AIPL1: variants seen among roughly 807,000 people sequenced by gnomAD.
AIPL1 encodes the protein aryl-hydrocarbon-interacting protein-like 1.
A neutral mutation model predicts 32.9 loss-of-function variants in AIPL1; 23 were observed. The observed-to-expected ratio is 0.70, with a 90% CI of 0.50 to 0.99. The LOEUF is 0.99. Ranked by LOEUF, AIPL1 falls within the 50% of genes least tolerant of loss-of-function variation. AIPL1 has a pLI of 0.00. For missense variants in AIPL1, 485 were observed against 506.0 expected, an observed-to-expected ratio of 0.96 and a Z score of 0.40; for synonymous variants, 210 against 209.4, an observed-to-expected ratio of 1.00 and a Z score of -0.02.
chr17:6,425,699 T>A lies in AIPL1; in HGVS notation c.916A>T (p.Arg306Trp), dbSNP rs201801331. 2 of 1,608,640 alleles carry A rather than the reference T, an allele frequency of 1.2e-6. No homozygotes were observed. The highest frequency in any genetic ancestry group is 1.3e-5 in the African/African-American group (1 of 74,906). Residue 306 changes from arginine to tryptophan, a missense_variant, in exon 6 of 6, where the codon AGG becomes TGG. Transcript: ENST00000381129. ...SMQKAVRRELRLLENRMAEKQ... is the reference protein window; with the variant it reads ...SMQKAVRRELWLLENRMAEKQ... ...TCCGCCATGCGGTTCTCCAGCAGCCTCAGCTCCCTGCGCACCGCCTTCTGC... is the reference window on the plus strand; with the variant it reads ...TCCGCCATGCGGTTCTCCAGCAGCCACAGCTCCCTGCGCACCGCCTTCTGC...
chr17:6,430,114 A>G (rs1309280904), intron 2 of AIPL1, among the ~76,000 whole-genome samples: 1 of 150,890 alleles, frequency 6.6e-6, no homozygotes, highest in Non-Finnish European at 1.5e-5. Context: ...CAATCACGGC[A>G]GCCATGGGCT....
chr17:6,431,457 G>GA (rs577040505), intron 2 of AIPL1, among the ~76,000 whole-genome samples: 1,552 of 142,390 alleles, frequency 0.011, 21 homozygotes, highest in African/African-American at 0.034. Flanking sequence ...CTCCATCTCA[G>GA]AAAAAAAAAA....
intron 2 of AIPL1, among the ~76,000 whole-genome samples, chr17:6,432,352 C>T (rs543430889): frequency 6.6e-6 from 1 of 150,604 alleles, no homozygotes; most frequent in Non-Finnish European, 1.5e-5. Context: ...TCCAGCCTGG[C>T]TACAGAGCAA....
chr17:6,426,030 A>T, intron 5 of AIPL1, 200 bp from the exon 6 acceptor site: 1 of 1,043,612 alleles, frequency 9.6e-7, no homozygotes, highest in Non-Finnish European at 1.3e-6. Flanking sequence ...TCTCCTTTTT[A>T]AGGCCCTGTG....
chr17:6,429,029 C>G (rs932896114), intron 2 of AIPL1, among the ~76,000 whole-genome samples: 4 of 152,214 alleles, frequency 2.6e-5, no homozygotes, highest in African/African-American at 9.6e-5. Context: ...GAGCCCAGGT[C>G]TCTGCACTTC....
chr17:6,430,704 C>T (rs898016917), intron 2 of AIPL1, among the ~76,000 whole-genome samples: 7 of 152,142 alleles, frequency 4.6e-5, no homozygotes, highest in African/African-American at 1.4e-4. Flanking sequence ...GGAGAGGGGG[C>T]TCTTAGTGGC....
intron 2 of AIPL1, among the ~76,000 whole-genome samples, chr17:6,429,313 C>A (rs1183929493): frequency 6.6e-6 from 1 of 152,210 alleles, no homozygotes; most frequent in East Asian, 1.9e-4. Flanking sequence ...ACTGGCCCCA[C>A]ATGCAACATG....
In AIPL1 at chr17:6,426,426, C is replaced by T. The variant is rs192307789; in HGVS notation, c.784+189G>A. On this transcript the variant is annotated intron_variant, in intron 5 of 5. Transcript: ENST00000381129. ...TCAAACACACATTAAAATAAAGGGC[C>T]GCCCCGCGCCAAGCACTGCCCATCC... The T allele has an allele frequency of 1.4e-4, 203 of 1,445,250 alleles. 1 individual carries two copies. The highest frequency in any genetic ancestry group is 4.5e-4 in the East Asian group (18 of 39,966). 89.5% of individuals were successfully genotyped at this position (1,445,250 alleles called of 1,614,324 possible).
chr17:6,432,312 T>C (rs541365215), intron 2 of AIPL1, among the ~76,000 whole-genome samples: 1 of 151,842 alleles, frequency 6.6e-6, no homozygotes, highest in African/African-American at 2.4e-5. Flanking sequence ...GAGGCCAAGG[T>C]TGCAGTGAGC....
At chr17:6,432,343 C>G (rs998195303) in intron 2 of AIPL1, among the ~76,000 whole-genome samples, 1 of 151,624 alleles carries the variant, frequency 6.6e-6, no homozygotes, top group African/African-American at 2.4e-5. Flanking sequence ...CTACTGCACT[C>G]CAGCCTGGCT....
At chr17:6,431,272 A>C (rs11867931) in intron 2 of AIPL1, among the ~76,000 whole-genome samples, 50,609 of 150,460 alleles carry the variant, frequency 0.34, 9,019 homozygotes, top group African/African-American at 0.42. Flanking sequence ...CATGATGAAA[A>C]CCTGTCTCTA....
intron 3 of AIPL1, 83 bp from the exon 4 acceptor site, chr17:6,427,140 G>T: frequency 1.4e-6 from 2 of 1,480,324 alleles, no homozygotes; most frequent in Non-Finnish European, 1.9e-6. Flanking sequence ...GGACCCTGTG[G>T]CACATCTCCC....
Position 6,423,784 on chromosome 17 carries a change from A to G in AIPL1, c.*1676T>C, listed in dbSNP as rs912650952. The G allele has an allele frequency of 6.6e-6, 1 of 152,266 alleles. No homozygotes were observed. The highest frequency in any genetic ancestry group is 1.5e-5 in the Non-Finnish European group (1 of 68,040). 9.4% of individuals were successfully genotyped at this position (152,266 alleles called of 1,614,324 possible). The stretch of plus-strand genomic sequence containing the variant: ...GATTTTCAGATTGTAGAATCAACCT[A>G]TGGACAAAGCACAGAAGATTTAGTT... On this transcript the variant is annotated 3_prime_UTR_variant, in exon 6 of 6. Transcript: ENST00000381129.
rs12449580 is a variant in AIPL1 at position 6,433,927 on chromosome 17, C to G, written c.268G>C (p.Asp90His). ...GCGCAGGGCCTACTTACGATGGTGT[C>G]GCACCAGAACTCGGCCACCTCGTGC... The part of the protein sequence containing the change: ...RVHEVAEFWC[D>H]TIHTGVYPIL... Residue 90 changes from aspartate (D) to histidine (H), a missense_variant, in exon 2 of 6, where the codon GAC becomes CAC. Coordinates refer to ENST00000381129, the MANE Select transcript of AIPL1 (RefSeq NM_014336.5). 319,260 of 1,603,474 alleles carry G rather than the reference C, an allele frequency of 0.2. 33,640 individuals carry two copies. Among genetic ancestry groups the G allele is most frequent in the East Asian group, 0.35 (15,766 of 44,766 alleles).
intron 2 of AIPL1, among the ~76,000 whole-genome samples, chr17:6,430,089 A>ATGTG (rs1912439655): frequency 6.9e-6 from 1 of 144,270 alleles, no homozygotes; most frequent in Non-Finnish European, 1.5e-5. Flanking sequence ...GTGTGTGTGC[A>ATGTG]TGCGTACATG....
In AIPL1 at chr17:6,428,486, G is replaced by C. The variant is rs145369191; in HGVS notation, c.297C>G (p.Ile99Met). The C allele has an allele frequency of 1.2e-5, 19 of 1,613,834 alleles. No homozygotes were observed. Among genetic ancestry groups the C allele is most frequent in the Non-Finnish European group, 1.6e-5 (19 of 1,180,020 alleles). Residue 99 changes from isoleucine to methionine, a missense_variant, in exon 3 of 6, where the codon ATC (isoleucine) becomes ATG (methionine). By Grantham distance (10) the Ile-to-Met change is conservative (BLOSUM62 1). Transcript: ENST00000381129. Reference sequence around the variant, plus strand: ...CCATCTGCCTCAGGCTCCGGGATAGGATGGGGTAGACCCCCGTGTGCTGTG... The same window carrying C: ...CCATCTGCCTCAGGCTCCGGGATAGCATGGGGTAGACCCCCGTGTGCTGTG... Reference protein sequence around the residue: ...CDTIHTGVYPILSRSLRQMAQ... With the variant: ...CDTIHTGVYPMLSRSLRQMAQ...
chr17:6,425,394 G>A lies in AIPL1; in HGVS notation c.*66C>T. 6.7e-7 allele frequency: 1 copy of A among 1,501,808 alleles called. No individual in the cohort carries two copies. The highest frequency in any genetic ancestry group is 8.8e-7 in the Non-Finnish European group (1 of 1,130,430). The allele number at this position is 1,501,808 out of a possible 1,614,324, so 93.0% of individuals were successfully genotyped here. ...TTTAAAAAGTGACACCACGATCCTG[G>A]TCAATCGAACCAGAAGTGACCAGGC... On this transcript the variant is annotated 3_prime_UTR_variant, in exon 6 of 6. Coordinates refer to ENST00000381129, the MANE Select transcript of AIPL1 (RefSeq NM_014336.5).
chr17:6,425,132 T>G lies in AIPL1; in HGVS notation c.*328A>C. The G allele has an allele frequency of 4.3e-6, 1 of 232,518 alleles. No individual in the cohort carries two copies. 14.4% of individuals were successfully genotyped at this position (232,518 alleles called of 1,614,324 possible). ...AAAGGATCAGAGCATCAAATCCTCA[T>G]TTGTCATTGACATGGGGTAAAATCT... On this transcript the variant is annotated 3_prime_UTR_variant, in exon 6 of 6. Coordinates refer to ENST00000381129, the MANE Select transcript of AIPL1 (RefSeq NM_014336.5).
chr17:6,433,586 A>ATCTCTCTCTCTC lies in AIPL1; in HGVS notation c.276+321_276+332dup, dbSNP rs149646818. Among the ~76,000 whole-genome samples, 186 of 65,580 alleles carry ATCTCTCTCTCTC rather than the reference A, an allele frequency of 2.8e-3. 1 individual carries two copies. Among genetic ancestry groups the ATCTCTCTCTCTC allele is most frequent in the Middle Eastern group, 7.8e-3 (1 of 128 alleles). 43.0% of individuals were successfully genotyped at this position (65,580 alleles called of 152,430 possible). On this transcript the variant is annotated intron_variant, in intron 2 of 5. Coordinates refer to ENST00000381129, the MANE Select transcript of AIPL1 (RefSeq NM_014336.5). ...AGCCTGGGTGACAGAGCGAGACCCT[A>ATCTCTCTCTCTC]TCTCTCTCTCTCTCTCTCTCTCTCT...
Sources: gnomAD v4.1 joint callset for allele counts (sites outside exome capture counted in the v4.1 genomes callset) on GRCh38, gnomAD v4.1.1 for gene constraint, MANE v1.5 for transcripts, NCBI Gene and HGNC (gene_info 2026-07-23, HGNC 2026-07-21) for gene names.